GPR158: variants seen among roughly 807,000 people sequenced by gnomAD.
GPR158 encodes the protein G protein-coupled receptor 158.
In GPR158, 30 loss-of-function variants were observed where a neutral mutation model predicts 78.2. The ratio of observed to expected loss-of-function variants is 0.38; its 90% CI spans 0.29 to 0.52. The LOEUF (loss-of-function observed/expected upper bound fraction) is 0.52, where lower values mean the gene tolerates loss of function less well. Among genes scored for constraint, GPR158 ranks in the 20% least tolerant of loss-of-function variants. The pLI, the probability that GPR158 is intolerant of heterozygous loss-of-function variation, is 0.83. For missense variants in GPR158, 1,463 were observed against 1,523.5 expected, an observed-to-expected ratio of 0.96 and a Z score of 0.66; for synonymous variants, 581 against 591.1, an observed-to-expected ratio of 0.98 and a Z score of 0.25.
In GPR158 at chr10:25,436,210, G is replaced by A. The variant is rs531466742; in HGVS notation, c.1335+23737G>A. ...GTGCCCGGTGTTACATGAGACATGT[G>A]TATACTAAAGCATTATTTGTTGTTT... On this transcript the variant is annotated intron_variant, in intron 4 of 10. Transcript: ENST00000376351. Among the ~76,000 whole-genome samples, 8 of 152,322 alleles carry A rather than the reference G, an allele frequency of 5.3e-5. No individual in the cohort carries two copies. In the South Asian group the frequency reaches 1.7e-3, roughly 32 times the overall value.
At chr10:25,184,686 A>G (rs1852656803) in intron 1 of GPR158, among the ~76,000 whole-genome samples, 1 of 152,206 alleles carries the variant, frequency 6.6e-6, no homozygotes, top group South Asian at 2.1e-4. Flanking sequence ...AGGATAGTGA[A>G]AATAAAAGAC....
chr10:25,296,286 T>C (rs1854512593), intron 2 of GPR158, among the ~76,000 whole-genome samples: 1 of 151,992 alleles, frequency 6.6e-6, no homozygotes, highest in South Asian at 2.1e-4. Context: ...AGGGCAGTTT[T>C]CCTGAGAAAG....
rs1330305516 is a variant in GPR158 at position 25,175,512 on chromosome 10, G to C, written c.92G>C (p.Arg31Pro). ...AVGASRDPQG[R>P]PDSPRERTPK... is the part of the protein sequence containing the mutation. ...GGCGCCAGCCGCGACCCCCAAGGAC[G>C]GCCGGATTCCCCTCGAGAGAGGACC... The change falls in exon 1 of 11, where the codon CGG (arginine) becomes CCG (proline). Residue 31 changes from arginine (R) to proline (P), a missense_variant. Transcript: ENST00000376351. The surrounding 1 kb of genome is among the most constrained non-coding windows in gnomAD (Gnocchi z 6.4). 6.2e-7 allele frequency: 1 copy of C among 1,612,320 alleles called. No homozygotes were observed. The highest frequency in any genetic ancestry group is 1.7e-5 in the Admixed American group (1 of 60,002).
At chr10:25,212,627 C>CTTTTTT (rs10642944) in intron 1 of GPR158, among the ~76,000 whole-genome samples, 1,284 of 78,528 alleles carry the variant, frequency 0.016, 136 homozygotes, top group African/African-American at 0.052. Context: ...GAATTTATAG[C>CTTTTTT]TTTTTTTTTT....
At chr10:25,510,697 C>T (rs1196517951) in intron 5 of GPR158, among the ~76,000 whole-genome samples, 2 of 152,172 alleles carry the variant, frequency 1.3e-5, no homozygotes, top group Non-Finnish European at 2.9e-5. Flanking sequence ...TTTTATCCCT[C>T]AACCCTGCTG....
chr10:25,308,839 A>C (rs1250327301), intron 2 of GPR158, among the ~76,000 whole-genome samples: 2 of 152,316 alleles, frequency 1.3e-5, no homozygotes, highest in South Asian at 2.1e-4. Context: ...TTCAGTTAGC[A>C]CAATGTCCTC....
intron 1 of GPR158, among the ~76,000 whole-genome samples, chr10:25,191,865 T>G (rs191450640): frequency 1.4e-4 from 21 of 152,170 alleles, no homozygotes; most frequent in South Asian, 8.3e-4. Context: ...TCACTTTTTT[T>G]GGGGTTTTTT....
intron 2 of GPR158, among the ~76,000 whole-genome samples, chr10:25,378,628 G>A: frequency 6.9e-6 from 1 of 144,194 alleles, no homozygotes. Context: ...TATATATATT[G>A]CTTATATTAA....
At chr10:25,253,684 C>T (rs866564249) in intron 2 of GPR158, among the ~76,000 whole-genome samples, 153 of 152,040 alleles carry the variant, frequency 1.0e-3, no homozygotes, top group African/African-American at 3.4e-3. Context: ...ATGCTGAAAC[C>T]GTTATTTATA....
At chr10:25,243,084 G>A (rs1389871868) in intron 2 of GPR158, among the ~76,000 whole-genome samples, 1 of 152,178 alleles carries the variant, frequency 6.6e-6, no homozygotes, top group Non-Finnish European at 1.5e-5. Context: ...GTGCAATCTT[G>A]CCACCACGGC....
chr10:25,181,148 A>G (rs1264755109), intron 1 of GPR158, among the ~76,000 whole-genome samples: 2 of 152,224 alleles, frequency 1.3e-5, no homozygotes, highest in South Asian at 2.1e-4. Context: ...ATAGGAGCTG[A>G]AAATGATGAG....
intron 3 of GPR158, among the ~76,000 whole-genome samples, chr10:25,403,129 T>C (rs1012408431): frequency 2.5e-4 from 38 of 152,050 alleles, no homozygotes; most frequent in African/African-American, 9.1e-4. Context: ...AATAGTTACA[T>C]AGAATTCCAT....
intron 2 of GPR158, among the ~76,000 whole-genome samples, chr10:25,247,460 C>A (rs1340140316): frequency 1.0e-5 from 1 of 98,018 alleles, no homozygotes; most frequent in African/African-American, 3.9e-5. Context: ...TGCTATCCCT[C>A]CCCCCTCCCC....
intron 2 of GPR158, among the ~76,000 whole-genome samples, chr10:25,356,901 C>A (rs1304945103): frequency 6.6e-6 from 1 of 151,950 alleles, no homozygotes; most frequent in Non-Finnish European, 1.5e-5. Context: ...TTGGAGAGCT[C>A]AGAAGAAGAC....
rs1837461510 is a variant in GPR158 at position 25,599,367 on chromosome 10, A to G, written c.*93A>G. ...AAATATTCCCAAGGAGGATTTGTCAATCAAGGAAAACATGACAGATGGTGA... is the reference window on the plus strand; with the variant it reads ...AAATATTCCCAAGGAGGATTTGTCAGTCAAGGAAAACATGACAGATGGTGA... On this transcript the variant is annotated 3_prime_UTR_variant, in exon 11 of 11. Transcript: ENST00000376351. 2.2e-5 allele frequency: 22 copies of G among 1,013,810 alleles called. No homozygotes were observed. Among genetic ancestry groups the G allele is most frequent in the Middle Eastern group, 2.2e-4 (1 of 4,476 alleles). 62.8% of individuals were successfully genotyped at this position (1,013,810 alleles called of 1,614,324 possible).
At chr10:25,206,705 T>C (rs1251703932) in intron 1 of GPR158, among the ~76,000 whole-genome samples, 1 of 152,102 alleles carries the variant, frequency 6.6e-6, no homozygotes, top group Non-Finnish European at 1.5e-5. Context: ...TGTAGCACTA[T>C]TCTTACTGGC....
intron 7 of GPR158, among the ~76,000 whole-genome samples, chr10:25,587,703 A>G (rs564416198): frequency 2.0e-5 from 3 of 152,292 alleles, no homozygotes; most frequent in East Asian, 1.9e-4. Flanking sequence ...GATCTCATGG[A>G]GAGTTTGGAG....
At chr10:25,263,807 G>A (rs1236629970) in intron 2 of GPR158, among the ~76,000 whole-genome samples, 2 of 152,094 alleles carry the variant, frequency 1.3e-5, no homozygotes, top group African/African-American at 4.8e-5. Flanking sequence ...TGTGGTGATG[G>A]GTGCCTGTAA....
At chr10:25,562,208 C>T (rs1051342061) in intron 6 of GPR158, among the ~76,000 whole-genome samples, 1 of 151,950 alleles carries the variant, frequency 6.6e-6, no homozygotes, top group Non-Finnish European at 1.5e-5. Flanking sequence ...CTCAGTCTAA[C>T]TAAAGGTTTG....
Sources: allele counts gnomAD v4.1 joint callset (sites outside exome capture counted in the v4.1 genomes callset), GRCh38; gene constraint gnomAD v4.1.1; non-coding constraint Gnocchi (gnomAD v3.1); transcripts MANE v1.5; gene names NCBI Gene and HGNC (gene_info 2026-07-23, HGNC 2026-07-21).